The following ST7 variants were observed in gnomAD, a reference collection of about 807,000 sequenced individuals.
ST7 encodes suppression of tumorigenicity 7.
In ST7, 28 loss-of-function variants were observed where a neutral mutation model predicts 78.7. The ratio of observed to expected loss-of-function variants is 0.36; its 90% CI spans 0.26 to 0.49. The LOEUF is 0.49. Ranked by LOEUF, ST7 falls within the 20% of genes least tolerant of loss-of-function variation. The pLI, the probability that ST7 is intolerant of heterozygous loss-of-function variation, is 0.99. For missense variants in ST7, 418 were observed against 696.0 expected (o/e 0.60, Z 4.49); for synonymous variants, 247 against 249.6 (o/e 0.99, Z 0.10).
intron 1 of ST7, among the ~76,000 whole-genome samples, chr7:117,065,739 C>T (rs1477245539): frequency 2.6e-5 from 4 of 152,224 alleles, no homozygotes; most frequent in Admixed American, 2.6e-4. Flanking sequence ...CCTCACCTCT[C>T]AGCAGCCAGT....
At chr7:117,047,680 T>C (rs1584516981) in intron 1 of ST7, among the ~76,000 whole-genome samples, 1 of 152,226 alleles carries the variant, frequency 6.6e-6, no homozygotes, top group South Asian at 2.1e-4. Flanking sequence ...TGAGGCTAGG[T>C]TAGCTAGCTT....
chr7:117,162,112 A>C (rs1314882768), intron 9 of ST7, among the ~76,000 whole-genome samples: 1 of 152,092 alleles, frequency 6.6e-6, no homozygotes, highest in Non-Finnish European at 1.5e-5. Flanking sequence ...TGGGGTTCTA[A>C]GTATAATTTG....
intron 2 of ST7, among the ~76,000 whole-genome samples, chr7:117,113,702 A>G (rs572684422): frequency 6.6e-6 from 1 of 152,334 alleles, no homozygotes; most frequent in African/African-American, 2.4e-5. Flanking sequence ...AAATGCACAT[A>G]AGATCCAAGG....
chr7:117,158,374 C>G (rs919874639), intron 9 of ST7, among the ~76,000 whole-genome samples: 1 of 152,154 alleles, frequency 6.6e-6, no homozygotes, highest in African/African-American at 2.4e-5. Flanking sequence ...CTAAACGGAT[C>G]ACAGTTTTGA....
intron 1 of ST7, among the ~76,000 whole-genome samples, chr7:117,051,599 T>A (rs1024118764): frequency 6.6e-6 from 1 of 152,124 alleles, no homozygotes. Flanking sequence ...TTGTATTATA[T>A]GGAAAGTGGA....
chr7:117,200,483 T>C (rs1810718990), intron 12 of ST7, among the ~76,000 whole-genome samples: 1 of 151,974 alleles, frequency 6.6e-6, no homozygotes, highest in African/African-American at 2.4e-5. Context: ...TAAAGAAAAA[T>C]TGCCAGCACC....
chr7:117,186,787 T>G (rs1239139288), intron 10 of ST7, among the ~76,000 whole-genome samples: 1 of 152,236 alleles, frequency 6.6e-6, no homozygotes, highest in Non-Finnish European at 1.5e-5. Flanking sequence ...CTGCATGGAA[T>G]TGTACCCTGT....
chr7:117,091,065 T>C (rs1800572423), intron 1 of ST7, among the ~76,000 whole-genome samples: 1 of 152,212 alleles, frequency 6.6e-6, no homozygotes, highest in Non-Finnish European at 1.5e-5. Context: ...AGTGTACCTG[T>C]AAAGTTGCCT....
intron 12 of ST7, among the ~76,000 whole-genome samples, chr7:117,202,750 G>A (rs1354231509): frequency 6.6e-6 from 1 of 152,202 alleles, no homozygotes; most frequent in African/African-American, 2.4e-5. Flanking sequence ...CTATGGCAGT[G>A]ATTTCCAAAC....
At chr7:117,106,616 C>CTTTTTT (rs758855564) in intron 2 of ST7, among the ~76,000 whole-genome samples, 184 of 107,622 alleles carry the variant, frequency 1.7e-3, no homozygotes, top group Non-Finnish European at 2.3e-3. Flanking sequence ...TTGTATCATT[C>CTTTTTT]TTTTTTTTTT....
At chr7:117,023,368 C>T (rs1380214601) in intron 1 of ST7, among the ~76,000 whole-genome samples, 3 of 152,150 alleles carry the variant, frequency 2.0e-5, no homozygotes, top group Non-Finnish European at 4.4e-5. Flanking sequence ...AATAAATGCT[C>T]TTTTATGCCT....
chr7:117,077,374 A>G (rs1799427729), intron 1 of ST7, among the ~76,000 whole-genome samples: 1 of 152,080 alleles, frequency 6.6e-6, no homozygotes, highest in African/African-American at 2.4e-5. Flanking sequence ...TTCTGTCTAG[A>G]ATTTATCTGC....
At chr7:116,954,550 G>A (rs554449568) in intron 1 of ST7, 15 of 152,290 alleles carry the variant, frequency 9.8e-5, no homozygotes, top group Non-Finnish European at 2.1e-4. Context: ...CAAACTTGGA[G>A]CCAGCCCACT....
chr7:117,005,896 A>G (rs764562992), intron 1 of ST7, among the ~76,000 whole-genome samples: 12 of 152,218 alleles, frequency 7.9e-5, no homozygotes, highest in Non-Finnish European at 1.8e-4. Flanking sequence ...AAATACGTAG[A>G]TCATAAATAG....
chr7:117,189,833 C>G (rs758193347), intron 11 of ST7, among the ~76,000 whole-genome samples: 3 of 152,198 alleles, frequency 2.0e-5, no homozygotes, highest in Non-Finnish European at 4.4e-5. Flanking sequence ...ATTAGCCCCC[C>G]ACTGGTCTAT....
chr7:117,167,714 C>T (rs1306466506), intron 9 of ST7, among the ~76,000 whole-genome samples: 3 of 151,936 alleles, frequency 2.0e-5, no homozygotes, highest in African/African-American at 7.3e-5. Flanking sequence ...AAATCAGAGA[C>T]AAGGGGAAAC....
intron 1 of ST7, chr7:117,090,968 C>A (rs1358223599): frequency 6.3e-6 from 1 of 159,084 alleles, no homozygotes; most frequent in Non-Finnish European, 1.5e-5. Flanking sequence ...ACAGTTTGCG[C>A]CAGTATAGTT....
chr7:117,039,815 A>G (rs565164022), intron 1 of ST7, among the ~76,000 whole-genome samples: 5 of 152,266 alleles, frequency 3.3e-5, no homozygotes, highest in Non-Finnish European at 5.9e-5. Context: ...GATCTTGGTA[A>G]GTCTGACTTG....
chr7:116,955,110 T>G (rs1381273880), intron 1 of ST7: 1 of 471,212 alleles, frequency 2.1e-6, no homozygotes, highest in South Asian at 1.5e-5. Context: ...TTCATCTTTT[T>G]GGATGGCTGC....
Sources: gnomAD v4.1 joint callset for allele counts (sites outside exome capture counted in the v4.1 genomes callset) on GRCh38, gnomAD v4.1.1 for gene constraint, MANE v1.5 for transcripts, NCBI Gene and HGNC (gene_info 2026-07-23, HGNC 2026-07-21) for gene names.